RS1: variants seen among roughly 807,000 people sequenced by gnomAD.
RS1 encodes retinoschisin.
In RS1, 2 loss-of-function variants were observed where a neutral mutation model predicts 20.8. The observed-to-expected ratio is 0.10, with a 90% confidence interval of 0.04 to 0.30. The LOEUF is 0.30. Among genes scored for constraint, RS1 ranks in the 10% least tolerant of loss-of-function variants. The pLI is 1.00. For missense variants in RS1, 151 were observed against 189.8 expected (o/e 0.80, Z 1.20); for synonymous variants, 70 against 75.8 (o/e 0.92, Z 0.40).
chrX:18,651,459 C>T (rs760239918), intron 3 of RS1, among the ~76,000 whole-genome samples: 8 of 110,931 alleles, frequency 7.2e-5, no homozygotes, highest in Non-Finnish European at 1.3e-4. Flanking sequence ...AGGGCCTGAG[C>T]GCAGCAGAGA....
At chrX:18,648,635 A>G (rs942289540) in intron 3 of RS1, among the ~76,000 whole-genome samples, 4 of 112,032 alleles carry the variant, frequency 3.6e-5, no homozygotes, top group Non-Finnish European at 7.5e-5. Flanking sequence ...CTTTGCAGTT[A>G]GAAGTGCCCA....
chrX:18,651,026 C>G (rs1741484777), intron 3 of RS1, among the ~76,000 whole-genome samples: 1 of 111,183 alleles, frequency 9.0e-6, no homozygotes, highest in African/African-American at 3.3e-5. Flanking sequence ...TGATAACCTT[C>G]TTGAATTTTG....
intron 1 of RS1, 86 bp from the exon 2 acceptor site, chrX:18,657,751 G>C: frequency 1.3e-6 from 1 of 797,659 alleles, no homozygotes; most frequent in Non-Finnish European, 1.9e-6. Flanking sequence ...AAGTGAAATA[G>C]AAATAGTCAC....
At position 18,671,921 on chromosome X, in the gene RS1, A is replaced by G. The variant is rs1928496819; in HGVS notation, c.52+96T>C. ...AATTAACGTGTTGCTAATTAATAAT[A>G]TTTATATTATTCAGGCTATATTCCT... On this transcript the variant is annotated intron_variant, in intron 1 of 5. Coordinates refer to ENST00000379984, the MANE Select transcript of RS1 (RefSeq NM_000330.4). 3 of 735,688 alleles carry G rather than the reference A, an allele frequency of 4.1e-6. No individual in the cohort carries two copies. In the Admixed American group the frequency reaches 7.0e-5, roughly 17 times the overall value. The allele number at this position is 735,688 out of a possible 1,213,427, so 60.6% of individuals were successfully genotyped here. A position where few individuals can be genotyped will look rare whatever the true frequency, so the allele number is the denominator to read the frequency against.
intron 2 of RS1, among the ~76,000 whole-genome samples, 182 bp downstream of exon 2, chrX:18,657,458 A>G (rs1047490083): frequency 9.1e-6 from 1 of 110,239 alleles, no homozygotes; most frequent in Non-Finnish European, 1.9e-5. Flanking sequence ...CCTGACCTCA[A>G]GTGATCTGCT....
intron 1 of RS1, among the ~76,000 whole-genome samples, chrX:18,664,037 C>A (rs949103125): frequency 9.0e-6 from 1 of 111,571 alleles, no homozygotes; most frequent in South Asian, 3.7e-4. Context: ...CGCCCTATGA[C>A]CCAGCAATTC....
intron 3 of RS1, among the ~76,000 whole-genome samples, chrX:18,653,859 T>C (rs1301591875): frequency 9.2e-6 from 1 of 109,156 alleles, no homozygotes; most frequent in Non-Finnish European, 1.9e-5. Context: ...TCCCAGCTAC[T>C]CGGGAGGCTG....
chrX:18,651,283 G>GAC (rs1928035198), intron 3 of RS1, among the ~76,000 whole-genome samples: 1 of 108,676 alleles, frequency 9.2e-6, no homozygotes, highest in African/African-American at 3.4e-5. Context: ...GAGAGAGAGA[G>GAC]AGAGACAGAG....
rs140071496 is a variant in RS1 at position 18,656,562 on chromosome X, G to A, written c.184+91C>T. ...CTTTCATTCTAAAGATGGGGGTAGC[G>A]TTCAGGGGGTTAATTCAGCTGAGTG... On this transcript the variant is annotated intron_variant, in intron 3 of 5. Coordinates refer to ENST00000379984, the MANE Select transcript of RS1 (RefSeq NM_000330.4). The A allele has an allele frequency of 3.5e-3, 2,360 of 667,712 alleles. 28 individuals carry two copies. In the African/African-American group the frequency reaches 0.038, roughly 11 times the overall value. The allele number at this position is 667,712 out of a possible 1,213,427, so 55.0% of individuals were successfully genotyped here.
Position 18,663,032 on chromosome X carries a change from C to CTTTTTT in RS1, c.53-5373_53-5368dup, listed in dbSNP as rs55857398. Among the ~76,000 whole-genome samples, 56 of 74,757 alleles carry CTTTTTT rather than the reference C, an allele frequency of 7.5e-4. 2 individuals carry two copies. The highest frequency in any genetic ancestry group is 3.3e-3 in the African/African-American group (52 of 15,540). The allele number at this position is 74,757 out of a possible 115,157, so 64.9% of individuals were successfully genotyped here. On this transcript the variant is annotated intron_variant, in intron 1 of 5. Coordinates refer to ENST00000379984, the MANE Select transcript of RS1 (RefSeq NM_000330.4). ...TTTGGGTTGGTTCCAAGAACAATGA[C>CTTTTTT]TTTTTTTTTTTTTTTTTTTTTTTTT...
intron 3 of RS1, among the ~76,000 whole-genome samples, chrX:18,651,469 A>G (rs768093348): frequency 3.2e-4 from 35 of 110,928 alleles, no homozygotes; most frequent in Non-Finnish European, 5.3e-4. Flanking sequence ...CGCAGCAGAG[A>G]GGGACCTGAT....
chrX:18,671,563 G>T (rs1463685732), intron 1 of RS1, among the ~76,000 whole-genome samples: 1 of 111,295 alleles, frequency 9.0e-6, no homozygotes, highest in Admixed American at 9.6e-5. Flanking sequence ...TTTAAACTAG[G>T]TTGACCTTAC....
chrX:18,648,944 A>G (rs758193849), intron 3 of RS1, among the ~76,000 whole-genome samples: 12 of 105,832 alleles, frequency 1.1e-4, no homozygotes, highest in African/African-American at 4.1e-4. Flanking sequence ...GCTACCGGGG[A>G]GGCTGAGGGA....
At chrX:18,670,644 A>T (rs1384451147) in intron 1 of RS1, among the ~76,000 whole-genome samples, 1 of 111,680 alleles carries the variant, frequency 9.0e-6, no homozygotes, top group Non-Finnish European at 1.9e-5. Context: ...TCCGAGAGTG[A>T]GCCCTGGGAG....
chrX:18,645,629 G>A (rs746840906), intron 4 of RS1, among the ~76,000 whole-genome samples: 1 of 110,892 alleles, frequency 9.0e-6, no homozygotes, highest in African/African-American at 3.3e-5. Context: ...ACTCTAGCCC[G>A]TGTCCCCCTC....
chrX:18,661,717 A>C (rs1928311405), intron 1 of RS1, among the ~76,000 whole-genome samples: 1 of 111,410 alleles, frequency 9.0e-6, no homozygotes, highest in Non-Finnish European at 1.9e-5. Context: ...GCCAAACTCC[A>C]CCTCGTTCCG....
At chrX:18,664,068 C>T (rs920162836) in intron 1 of RS1, among the ~76,000 whole-genome samples, 13 of 111,861 alleles carry the variant, frequency 1.2e-4, no homozygotes, top group Non-Finnish European at 1.5e-4. Context: ...TAGCTACCCA[C>T]CAGATATGCA....
intron 3 of RS1, among the ~76,000 whole-genome samples, chrX:18,649,129 A>G (rs1227045195): frequency 9.0e-6 from 1 of 110,678 alleles, no homozygotes; most frequent in East Asian, 2.8e-4. Context: ...TTTTTTTACC[A>G]TGTGAGTTAA....
At chrX:18,652,456 G>A (rs1184293321) in intron 3 of RS1, among the ~76,000 whole-genome samples, 6 of 112,071 alleles carry the variant, frequency 5.4e-5, no homozygotes, top group African/African-American at 1.9e-4. Flanking sequence ...ATCACTTGAG[G>A]TCAGGAGTTC....
Sources: allele counts gnomAD v4.1 joint callset (sites outside exome capture counted in the v4.1 genomes callset), GRCh38; gene constraint gnomAD v4.1.1; transcripts MANE v1.5; gene names NCBI Gene and HGNC (gene_info 2026-07-23, HGNC 2026-07-21).